Variants in AKAIN1 observed in about 807,000 individuals in gnomAD.
AKAIN1 encodes the protein A-kinase anchor inhibitor 1.
Under a neutral mutation model 3.7 loss-of-function variants are expected in AKAIN1, and 3 were observed. The ratio of observed to expected loss-of-function variants is 0.82; its 90% CI spans 0.37 to 2.12. The LOEUF is 2.12. Ranked by LOEUF, AKAIN1 falls within the 30% of genes most tolerant of loss-of-function variation. The pLI is 0.06. For synonymous variants in AKAIN1, 31 were observed against 30.8 expected, an observed-to-expected ratio of 1.01 and a Z score of -0.02; for missense variants, 82 against 82.7, an observed-to-expected ratio of 0.99 and a Z score of 0.03.
At chr18:5,161,872 A>G (rs1280585156) in intron 1 of AKAIN1, among the ~76,000 whole-genome samples, 2 of 152,066 alleles carry the variant, frequency 1.3e-5, no homozygotes, top group African/African-American at 4.8e-5. Context: ...CTTTGGATAA[A>G]CTCACTCAGG....
At chr18:5,172,650 G>A (rs1206820135) in intron 1 of AKAIN1, among the ~76,000 whole-genome samples, 1 of 150,400 alleles carries the variant, frequency 6.6e-6, no homozygotes, top group African/African-American at 2.5e-5. Flanking sequence ...ATATTTTAGG[G>A]AGGAATAAAG....
chr18:5,162,996 A>G (rs1567874063), intron 1 of AKAIN1, among the ~76,000 whole-genome samples: 1 of 151,950 alleles, frequency 6.6e-6, no homozygotes. Context: ...ATTCCAATTC[A>G]GTAGGTTTGG....
chr18:5,195,424 C>G (rs954842092), intron 1 of AKAIN1, among the ~76,000 whole-genome samples: 1 of 152,184 alleles, frequency 6.6e-6, no homozygotes, highest in African/African-American at 2.4e-5. Context: ...AACCCTAACT[C>G]TTGTACAACA....
chr18:5,179,097 C>A (rs2071242500), intron 1 of AKAIN1, among the ~76,000 whole-genome samples: 1 of 152,102 alleles, frequency 6.6e-6, no homozygotes, highest in Non-Finnish European at 1.5e-5. Flanking sequence ...AATTTTGTTA[C>A]AAGAATATAT....
Position 5,145,292 on chromosome 18 carries a change from T to TA in AKAIN1, c.*269dup. The TA allele has an allele frequency of 6.3e-6, 2 of 317,180 alleles. No individual in the cohort carries two copies. The highest frequency in any genetic ancestry group is 5.8e-6 in the Non-Finnish European group (1 of 173,138). The allele number at this position is 317,180 out of a possible 1,614,324, so 19.6% of individuals were successfully genotyped here. ...TTCTTTTTTTCAAATAAAAGAACTT[T>TA]AAAAATAAATTGGCCTGCAAAACTA... is the stretch of plus-strand genomic sequence containing the variant. On this transcript the variant is annotated 3_prime_UTR_variant, in exon 2 of 2. Transcript: ENST00000434239.
intron 1 of AKAIN1, among the ~76,000 whole-genome samples, chr18:5,182,719 T>C (rs1799192454): frequency 6.6e-6 from 1 of 152,108 alleles, no homozygotes; most frequent in Non-Finnish European, 1.5e-5. Flanking sequence ...ACATAAATGC[T>C]TTCAAAACTA....
intron 1 of AKAIN1, among the ~76,000 whole-genome samples, chr18:5,166,441 A>G (rs2071168418): frequency 6.6e-6 from 1 of 151,984 alleles, no homozygotes; most frequent in Admixed American, 6.6e-5. Flanking sequence ...CCTCTCCCAT[A>G]TAGACACACG....
chr18:5,182,549 C>G (rs1598314805), intron 1 of AKAIN1, among the ~76,000 whole-genome samples: 1 of 152,038 alleles, frequency 6.6e-6, no homozygotes, highest in Non-Finnish European at 1.5e-5. Context: ...CTATGTGTCC[C>G]CAAACCCAAG....
intron 1 of AKAIN1, among the ~76,000 whole-genome samples, chr18:5,149,560 G>A (rs920047878): frequency 6.6e-6 from 1 of 152,210 alleles, no homozygotes. Flanking sequence ...TCCATCTGCT[G>A]CTACCAACCA....
chr18:5,190,603 C>T (rs552287737), intron 1 of AKAIN1, among the ~76,000 whole-genome samples: 2 of 152,064 alleles, frequency 1.3e-5, no homozygotes, highest in South Asian at 4.2e-4. Flanking sequence ...CTAATAGTAG[C>T]CCAATCTGTT....
At chr18:5,181,628 C>T (rs148192853) in intron 1 of AKAIN1, among the ~76,000 whole-genome samples, 1 of 152,192 alleles carries the variant, frequency 6.6e-6, no homozygotes, top group South Asian at 2.1e-4. Flanking sequence ...TGATGTGGAA[C>T]AAGATTTTAA....
chr18:5,172,713 A>G (rs907995730), intron 1 of AKAIN1, among the ~76,000 whole-genome samples: 6 of 151,798 alleles, frequency 4.0e-5, no homozygotes, highest in African/African-American at 1.4e-4. Flanking sequence ...ATATTTATTA[A>G]AAATATATAA....
At chr18:5,187,945 T>C (rs911263791) in intron 1 of AKAIN1, among the ~76,000 whole-genome samples, 3 of 152,054 alleles carry the variant, frequency 2.0e-5, no homozygotes, top group African/African-American at 7.2e-5. Flanking sequence ...TCAAAACAAG[T>C]TACCTATTTC....
chr18:5,184,819 C>T (rs747159009), intron 1 of AKAIN1, among the ~76,000 whole-genome samples: 1 of 152,094 alleles, frequency 6.6e-6, no homozygotes, highest in South Asian at 2.1e-4. Context: ...CAATGACATT[C>T]TTCACAGAAT....
chr18:5,165,861 A>G (rs1336384719), intron 1 of AKAIN1, among the ~76,000 whole-genome samples: 2 of 151,980 alleles, frequency 1.3e-5, no homozygotes, highest in Non-Finnish European at 2.9e-5. Flanking sequence ...AAAGGATTTT[A>G]CAGTTCCTAG....
chr18:5,182,690 T>A (rs2071265216), intron 1 of AKAIN1, among the ~76,000 whole-genome samples: 1 of 152,116 alleles, frequency 6.6e-6, no homozygotes, highest in Non-Finnish European at 1.5e-5. Context: ...AGAAAGCTCA[T>A]GCATGTGGCA....
At chr18:5,148,914 A>G (rs2071064618) in intron 1 of AKAIN1, among the ~76,000 whole-genome samples, 1 of 152,210 alleles carries the variant, frequency 6.6e-6, no homozygotes, top group Non-Finnish European at 1.5e-5. Context: ...TTCTAATGCT[A>G]AAACAAATAA....
chr18:5,176,205 G>A (rs113721596), intron 1 of AKAIN1, among the ~76,000 whole-genome samples: 3,275 of 152,220 alleles, frequency 0.022, 67 homozygotes, highest in Middle Eastern at 0.078. Context: ...TCAGGAGGCC[G>A]AGGCAAGTGG....
intron 1 of AKAIN1, among the ~76,000 whole-genome samples, chr18:5,161,202 T>A (rs1056561077): frequency 6.6e-6 from 1 of 152,140 alleles, no homozygotes; most frequent in Non-Finnish European, 1.5e-5. Flanking sequence ...AGTGTATCTC[T>A]CTATTTATTT....
Sources: allele counts gnomAD v4.1 joint callset (sites outside exome capture counted in the v4.1 genomes callset), GRCh38; gene constraint gnomAD v4.1.1; transcripts MANE v1.5; gene names NCBI Gene and HGNC (gene_info 2026-07-23, HGNC 2026-07-21).